CACNA1H: variants seen among roughly 807,000 people sequenced by gnomAD.
CACNA1H encodes calcium voltage-gated channel subunit alpha1 H, also known as voltage-dependent T-type calcium channel subunit alpha-1H.
Under a neutral mutation model 192.5 loss-of-function variants are expected in CACNA1H, and 149 were observed. The ratio of observed to expected loss-of-function variants is 0.77; its 90% CI spans 0.68 to 0.89. The LOEUF is 0.89. Among genes scored for constraint, CACNA1H ranks in the 40% least tolerant of loss-of-function variants. The pLI is 0.00. For missense variants in CACNA1H, 4,257 were observed against 3,423.5 expected (o/e 1.24, Z -6.08); for synonymous variants, 2,202 against 1,475.2 (o/e 1.49, Z -11.29).
At chr16:1,206,039 A>G in intron 11 of CACNA1H, 65 bp from the exon 12 acceptor site, 1 of 1,461,010 alleles carries the variant, frequency 6.8e-7, no homozygotes, top group East Asian at 2.5e-5. Context: ...CCCTGCTTCC[A>G]GTGGGACGAG....
chr16:1,170,011 C>T (rs568008661), intron 2 of CACNA1H, among the ~76,000 whole-genome samples: 1 of 152,312 alleles, frequency 6.6e-6, no homozygotes, highest in Non-Finnish European at 1.5e-5. Flanking sequence ...TGTTTATGTG[C>T]AGGGCTCAAG....
chr16:1,187,890 G>C (rs1301158931), intron 2 of CACNA1H, among the ~76,000 whole-genome samples: 1 of 152,226 alleles, frequency 6.6e-6, no homozygotes, highest in Non-Finnish European at 1.5e-5. Flanking sequence ...AGAAACATCT[G>C]TCCTGACCTT....
chr16:1,185,073 GTC>G, intron 2 of CACNA1H, among the ~76,000 whole-genome samples: 1 of 152,308 alleles, frequency 6.6e-6, no homozygotes, highest in East Asian at 1.9e-4. Context: ...ACCCCGCTTT[GTC>G]TCTGGGTTTG....
chr16:1,210,301 C>A, intron 18 of CACNA1H, 69 bp from the exon 19 acceptor site: 1 of 1,396,448 alleles, frequency 7.2e-7, no homozygotes, highest in Non-Finnish European at 9.8e-7. Context: ...CAGGGCTGTC[C>A]TGCAACCCCC....
In CACNA1H at chr16:1,200,246, C is replaced by G; in HGVS notation, c.804-10C>G. The G allele has an allele frequency of 6.3e-7, 1 of 1,587,898 alleles. No homozygotes were observed. Among genetic ancestry groups the G allele is most frequent in the South Asian group, 1.1e-5 (1 of 87,724 alleles). ...TTGTACCTTTTGGCCCTGGCTGTGC[C>G]CATCCCCAGGAACAACAACCTGACC... On this transcript the variant is annotated splice_polypyrimidine_tract_variant and intron_variant, in intron 6 of 34. Transcript: ENST00000348261.
intron 24 of CACNA1H, 65 bp from the exon 25 acceptor site, chr16:1,211,881 G>C: frequency 6.2e-7 from 1 of 1,610,128 alleles, no homozygotes; most frequent in Non-Finnish European, 8.5e-7. Context: ...GGGACTCGGG[G>C]GGCCATCCTG....
intron 8 of CACNA1H, among the ~76,000 whole-genome samples, 167 bp downstream of exon 8, chr16:1,200,975 C>T (rs545348872): frequency 6.6e-6 from 1 of 152,022 alleles, no homozygotes; most frequent in Admixed American, 6.5e-5. Flanking sequence ...TGGCTGGGGA[C>T]CCCAAGAGGC....
chr16:1,212,089 G>A lies in CACNA1H; in HGVS notation c.4710G>A (p.Ala1570=), dbSNP rs759616283. 2.6e-5 allele frequency: 42 copies of A among 1,612,026 alleles called. No individual in the cohort carries two copies. Among genetic ancestry groups the A allele is most frequent in the Admixed American group, 3.3e-5 (2 of 60,022 alleles). ...GGCAGCACCAGGAGGCGGAGGAGGC[G>A]CGGCGGCGAGAGGAGAAGCGGCTGC... The part of the protein sequence containing the change: ...KCRQHQEAEE[A]RRREEKRLRR... Residue 1570 remains alanine, a synonymous_variant, in exon 25 of 35, where the codon GCG becomes GCA. Transcript: ENST00000348261.
intron 4 of CACNA1H, 129 bp downstream of exon 4, chr16:1,195,694 C>A: frequency 2.5e-6 from 3 of 1,194,268 alleles, no homozygotes; most frequent in East Asian, 2.6e-5. Flanking sequence ...GAGCCAGGGA[C>A]CCTGTCTGGG....
intron 31 of CACNA1H, among the ~76,000 whole-genome samples, chr16:1,217,371 G>A (rs1166355776): frequency 6.6e-6 from 1 of 152,210 alleles, no homozygotes; most frequent in Non-Finnish European, 1.5e-5. Flanking sequence ...GGAGACAAAT[G>A]TTGGCTGTCT....
intron 17 of CACNA1H, 133 bp from the exon 18 acceptor site, chr16:1,209,902 C>A (rs1158378982): frequency 2.0e-5 from 14 of 683,502 alleles, no homozygotes; most frequent in Non-Finnish European, 3.2e-5. Context: ...GCCCAAAGGC[C>A]AGCGGGTGAG....
Position 1,153,394 on chromosome 16 carries a change from C to A in CACNA1H, c.-95C>A, listed in dbSNP as rs1433107227. Reference sequence around the variant, plus strand: ...AGGCGCTGGGGGCCGGGGCCGGGGCCGGGCGCCGAGCGGGGTCCGCGGTGA... The same window carrying A: ...AGGCGCTGGGGGCCGGGGCCGGGGCAGGGCGCCGAGCGGGGTCCGCGGTGA... On this transcript the variant is annotated 5_prime_UTR_variant, in exon 1 of 35. Transcript: ENST00000348261. 6.9e-6 allele frequency: 1 copy of A among 144,482 alleles called. No homozygotes were observed. The highest frequency in any genetic ancestry group is 2.1e-4 in the East Asian group (1 of 4,826). 9.0% of individuals were successfully genotyped at this position (144,482 alleles called of 1,614,324 possible).
rs1455228436 is a variant in CACNA1H at position 1,209,150 on chromosome 16, G to T, written c.3482G>T (p.Gly1161Val). 9.0e-6 allele frequency: 14 copies of T among 1,553,588 alleles called. No individual in the cohort carries two copies. Among genetic ancestry groups the T allele is most frequent in the Non-Finnish European group, 1.1e-5 (13 of 1,149,662 alleles). Residue 1161 changes from glycine to valine, a missense_variant, in exon 17 of 35, where the codon GGG (glycine) becomes GTG (valine). Physicochemically the swap from Gly to Val is moderately radical, Grantham distance 109. Coordinates refer to ENST00000348261, the MANE Select transcript of CACNA1H (RefSeq NM_021098.3). ...AGCCTCAAGCGCCGCGGCCAGTGTG[G>T]GGAACGTGAGTCCCTGCTGTCTGGC... Reference protein sequence around the residue: ...APSLKRRGQCGERESLLSGEG... With the variant: ...APSLKRRGQCVERESLLSGEG...
intron 8 of CACNA1H, 64 bp downstream of exon 8, chr16:1,200,872 GGGTACCTGGGT>G (rs1967788365): frequency 7.6e-7 from 1 of 1,308,116 alleles, no homozygotes; most frequent in Non-Finnish European, 1.1e-6. Context: ...GGGTGGGGTG[GGGTACCTGGGT>G]GGTCATAGGG....
intron 2 of CACNA1H, among the ~76,000 whole-genome samples, chr16:1,163,096 G>T (rs990535633): frequency 3.9e-5 from 6 of 152,252 alleles, no homozygotes; most frequent in Admixed American, 3.9e-4. Flanking sequence ...CTCTGTTCTG[G>T]GCAGGTGAGG....
At chr16:1,216,609 G>T (rs117440281) in intron 30 of CACNA1H, among the ~76,000 whole-genome samples, 1,806 of 152,382 alleles carry the variant, frequency 0.012, 12 homozygotes, top group Non-Finnish European at 0.018. Flanking sequence ...TGGGGAACCT[G>T]CTGGGCAGAG....
At position 1,195,453 on chromosome 16, in the gene CACNA1H, G is replaced by T; in HGVS notation, c.433G>T (p.Ala145Ser). The change falls in exon 4 of 35, where the codon GCC becomes TCC. Residue 145 changes from alanine to serine, a missense_variant. Physicochemically the swap from Ala to Ser is moderately conservative, Grantham distance 99 (BLOSUM62 1). Coordinates refer to ENST00000348261, the MANE Select transcript of CACNA1H (RefSeq NM_021098.3). Reference sequence around the variant, plus strand: ...GCAGGCCTTTGACGCCTTCATTTTCGCCTTTTTTGCGGTGGAGATGGTCAT... The same window carrying T: ...GCAGGCCTTTGACGCCTTCATTTTCTCCTTTTTTGCGGTGGAGATGGTCAT... ...ILEAFDAFIF[A>S]FFAVEMVIKM... 1 of 1,561,214 alleles carries T rather than the reference G, an allele frequency of 6.4e-7. No individual in the cohort carries two copies. Among genetic ancestry groups the T allele is most frequent in the Non-Finnish European group, 8.7e-7 (1 of 1,152,338 alleles).
At chr16:1,186,626 G>A (rs144471520) in intron 2 of CACNA1H, among the ~76,000 whole-genome samples, 2 of 152,252 alleles carry the variant, frequency 1.3e-5, no homozygotes, top group East Asian at 1.9e-4. Flanking sequence ...TGTCGTGAAT[G>A]TGGTCACGTG....
chr16:1,206,103 G>A lies in CACNA1H; in HGVS notation c.2604-1G>A. 1.3e-6 allele frequency: 2 copies of A among 1,572,938 alleles called. No individual in the cohort carries two copies. Among genetic ancestry groups the A allele is most frequent in the Non-Finnish European group, 1.7e-6 (2 of 1,162,776 alleles). ...TGACCCTCGCCCCCACCTGTCCGCA[G>A]CGTCTGGGAGATCGTGGGGCAGGCG... On this transcript the variant is annotated splice_acceptor_variant, in intron 11 of 34. Coordinates refer to ENST00000348261, the MANE Select transcript of CACNA1H (RefSeq NM_021098.3). LOFTEE classifies it high-confidence loss of function.
Sources: gnomAD v4.1 joint callset for allele counts (sites outside exome capture counted in the v4.1 genomes callset) on GRCh38, gnomAD v4.1.1 for gene constraint, MANE v1.5 for transcripts, NCBI Gene and HGNC (gene_info 2026-07-23, HGNC 2026-07-21) for gene names.